The following AMACR variants were observed in gnomAD, a reference collection of about 807,000 sequenced individuals.
AMACR encodes the protein 2-methylacyl-CoA racemase.
Under a neutral mutation model 22.2 loss-of-function variants are expected in AMACR, and 18 were observed. The observed-to-expected ratio is 0.81, with a 90% CI of 0.56 to 1.20. The LOEUF (loss-of-function observed/expected upper bound fraction) is 1.20, where lower values mean the gene tolerates loss of function less well. AMACR is among the 50% of genes most tolerant of loss of function. AMACR has a pLI of 0.00. For missense variants in AMACR, 499 were observed against 490.6 expected, an observed-to-expected ratio of 1.02 and a Z score of -0.16; for synonymous variants, 213 against 191.3, an observed-to-expected ratio of 1.11 and a Z score of -0.94.
intron 1 of AMACR, 150 bp downstream of exon 1, chr5:34,007,622 AC>A (rs1754023503): frequency 1.9e-5 from 22 of 1,159,194 alleles, no homozygotes; most frequent in Non-Finnish European, 2.6e-5. Context: ...CACTAACAAT[AC>A]CCTAGGAGGC....
intron 4 of AMACR, chr5:33,997,162 G>T: frequency 1.3e-6 from 1 of 747,548 alleles, no homozygotes; most frequent in South Asian, 1.4e-5. Context: ...TGTTGTCTTA[G>T]CAATTCTGCT....
At chr5:34,001,160 G>A (rs1753803020) in intron 3 of AMACR, among the ~76,000 whole-genome samples, 1 of 152,166 alleles carries the variant, frequency 6.6e-6, no homozygotes, top group South Asian at 2.1e-4. Flanking sequence ...CCTGACACAG[G>A]GAAACCGCAG....
Position 33,989,506 on chromosome 5 carries a change from AG to A in AMACR, c.740-5del, listed in dbSNP as rs753199004. On this transcript the variant is annotated splice_region_variant and splice_polypyrimidine_tract_variant and intron_variant, in intron 4 of 4. Coordinates refer to ENST00000335606, the MANE Select transcript of AMACR (RefSeq NM_014324.6). ...TCATCAGACTTTAGTCCAAGTCCTG[AG>A]GAAAAATACAATTTCCTAAATTATT... 3.7e-6 allele frequency: 6 copies of A among 1,611,440 alleles called. No homozygotes were observed. In the African/African-American group the frequency reaches 8.0e-5, roughly 22 times the overall value.
At position 33,988,558 on chromosome 5, in the gene AMACR, A is replaced by G. The variant is rs561436258; in HGVS notation, c.*535T>C. On this transcript the variant is annotated 3_prime_UTR_variant, in exon 5 of 5. Coordinates refer to ENST00000335606, the MANE Select transcript of AMACR (RefSeq NM_014324.6). ...AAGGCATTCTGATTCAATACAGGTGAAACTTTTCTTTGCAAATTACAAAGT... is the reference window on the plus strand; with the variant it reads ...AAGGCATTCTGATTCAATACAGGTGGAACTTTTCTTTGCAAATTACAAAGT... 7.3e-7 allele frequency: 1 copy of G among 1,367,468 alleles called. No individual in the cohort carries two copies. Among genetic ancestry groups the G allele is most frequent in the East Asian group, 2.7e-5 (1 of 37,078 alleles). The allele number at this position is 1,367,468 out of a possible 1,614,324, so 84.7% of individuals were successfully genotyped here.
chr5:34,004,077 G>A (rs2112068494), intron 3 of AMACR, among the ~76,000 whole-genome samples: 1 of 152,360 alleles, frequency 6.6e-6, no homozygotes, highest in Non-Finnish European at 1.5e-5. Context: ...ACAAACAGAA[G>A]TGTTATGATA....
chr5:34,003,155 T>G (rs1753869576), intron 3 of AMACR, among the ~76,000 whole-genome samples: 1 of 152,228 alleles, frequency 6.6e-6, no homozygotes, highest in East Asian at 1.9e-4. Flanking sequence ...CCCTTGCTTC[T>G]CTTTTCTGCC....
At chr5:33,996,204 G>A (rs1399003409) in intron 4 of AMACR, among the ~76,000 whole-genome samples, 2 of 152,132 alleles carry the variant, frequency 1.3e-5, no homozygotes, top group African/African-American at 4.8e-5. Context: ...GCTGTCTTAG[G>A]TGGTGTTATT....
In AMACR at chr5:33,986,748, G is replaced by A. The variant is rs1392171204; in HGVS notation, c.*2345C>T. 6.6e-6 allele frequency: 1 copy of A among 152,238 alleles called. No individual in the cohort carries two copies. Among genetic ancestry groups the A allele is most frequent in the Non-Finnish European group, 1.5e-5 (1 of 68,110 alleles). 9.4% of individuals were successfully genotyped at this position (152,238 alleles called of 1,614,324 possible). A position where few individuals can be genotyped will look rare whatever the true frequency, so the allele number is the denominator to read the frequency against. On this transcript the variant is annotated 3_prime_UTR_variant, in exon 5 of 5. Transcript: ENST00000335606. ...TACTGCCAGTGTCTATGTCTCCAAG[G>A]TGGGTGCAGCAACTTTGGCTTCTGG...
Position 33,988,772 on chromosome 5 carries a change from A to G in AMACR, c.*321T>C. The G allele has an allele frequency of 2.4e-6, 3 of 1,232,078 alleles. No homozygotes were observed. Among genetic ancestry groups the G allele is most frequent in the Non-Finnish European group, 3.1e-6 (3 of 981,420 alleles). The allele number at this position is 1,232,078 out of a possible 1,614,324, so 76.3% of individuals were successfully genotyped here. A position where few individuals can be genotyped will look rare whatever the true frequency, so the allele number is the denominator to read the frequency against. On this transcript the variant is annotated 3_prime_UTR_variant, in exon 5 of 5. Transcript: ENST00000335606. ...AATGTATATCGATGTCTTCAAGAAT[A>G]TATCATTCCTTTTTCACTAGAACCC...
rs1486225777 is a variant in AMACR at position 33,986,935 on chromosome 5, C to T, written c.*2158G>A. On this transcript the variant is annotated 3_prime_UTR_variant, in exon 5 of 5. Coordinates refer to ENST00000335606, the MANE Select transcript of AMACR (RefSeq NM_014324.6). ...TAAATTTCCTCTGTTTTAAAGACTT[C>T]GAGTGGGTTATATTTTCCTTGCTGG... 1 of 152,128 alleles carries T rather than the reference C, an allele frequency of 6.6e-6. No homozygotes were observed. The highest frequency in any genetic ancestry group is 1.5e-5 in the Non-Finnish European group (1 of 68,034). 9.4% of individuals were successfully genotyped at this position (152,128 alleles called of 1,614,324 possible). A position where few individuals can be genotyped will look rare whatever the true frequency, so the allele number is the denominator to read the frequency against.
At chr5:34,005,452 G>A (rs917638016) in intron 2 of AMACR, among the ~76,000 whole-genome samples, 4 of 152,120 alleles carry the variant, frequency 2.6e-5, no homozygotes, top group South Asian at 2.1e-4. Flanking sequence ...GCAACCATCC[G>A]TAGTACCCAG....
In AMACR at chr5:33,986,609, T is replaced by C. The variant is rs192722720; in HGVS notation, c.*2484A>G. The C allele has an allele frequency of 4.2e-4, 64 of 152,400 alleles. No homozygotes were observed. Among genetic ancestry groups the C allele is most frequent in the African/African-American group, 1.5e-3 (62 of 41,600 alleles). The allele number at this position is 152,400 out of a possible 1,614,324, so 9.4% of individuals were successfully genotyped here. A position where few individuals can be genotyped will look rare whatever the true frequency, so the allele number is the denominator to read the frequency against. On this transcript the variant is annotated 3_prime_UTR_variant, in exon 5 of 5. Coordinates refer to ENST00000335606, the MANE Select transcript of AMACR (RefSeq NM_014324.6). ...CTACATTTCCAGGGTTCCCTTGTTT[T>C]CTGGCTTCTAGGTAGATTTGGCTAA...
chr5:34,006,336 T>A (rs944265678), intron 1 of AMACR, among the ~76,000 whole-genome samples: 1 of 152,214 alleles, frequency 6.6e-6, no homozygotes, highest in African/African-American at 2.4e-5. Flanking sequence ...GGCGCTAAAG[T>A]GCCTAGCATC....
rs184782882 is a variant in AMACR, at chr5:33,998,603, A to C, written c.739+38T>G. ...AATAGAACCAAAGAACATCCACAGC[A>C]AAAGGGGAACTGGGGGAGACGCGTG... On this transcript the variant is annotated intron_variant, in intron 4 of 4. Coordinates refer to ENST00000335606, the MANE Select transcript of AMACR (RefSeq NM_014324.6). 60 of 1,562,050 alleles carry C rather than the reference A, an allele frequency of 3.8e-5. 1 individual carries two copies. The highest frequency in any genetic ancestry group is 1.2e-4 in the Admixed American group (6 of 51,268).
intron 3 of AMACR, among the ~76,000 whole-genome samples, chr5:34,001,230 A>C (rs1348191928): frequency 6.6e-6 from 1 of 152,224 alleles, no homozygotes; most frequent in African/African-American, 2.4e-5. Flanking sequence ...GAATTAATTT[A>C]AGAGTTTAAC....
Position 33,998,648 on chromosome 5 carries a change from C to T in AMACR, c.732G>A (p.Leu244=), listed in dbSNP as rs752535349. ...CGCGTGAAGTTCACTTACCTTTGAT[C>T]AGCAGCTCGTAGAACTGGGGTTCTA... ...GAIEPQFYEL[L]IKGLGLKSDE... The change falls in exon 4 of 5, where the codon CTG becomes CTA. Residue 244 remains leucine, a synonymous_variant. Transcript: ENST00000335606. The T allele has an allele frequency of 6.2e-7, 1 of 1,607,648 alleles. No homozygotes were observed.
intron 4 of AMACR, among the ~76,000 whole-genome samples, chr5:33,992,481 G>C (rs1209555667): frequency 1.3e-5 from 2 of 152,020 alleles, no homozygotes; most frequent in Non-Finnish European, 2.9e-5. Context: ...GCTGAGGCAG[G>C]AGGATCACTA....
chr5:33,989,029 T>G lies in AMACR; in HGVS notation c.*64A>C. ...TTCCTCCATGTTTCCATGCATACAA[T>G]GTTATGTGTTACTCTACACTGTAAA... is the stretch of plus-strand genomic sequence containing the variant. On this transcript the variant is annotated 3_prime_UTR_variant, in exon 5 of 5. Coordinates refer to ENST00000335606, the MANE Select transcript of AMACR (RefSeq NM_014324.6). 6.2e-7 allele frequency: 1 copy of G among 1,608,914 alleles called. No individual in the cohort carries two copies. The highest frequency in any genetic ancestry group is 8.5e-7 in the Non-Finnish European group (1 of 1,177,750).
intron 3 of AMACR, among the ~76,000 whole-genome samples, chr5:33,999,312 T>A (rs1212536001): frequency 6.6e-6 from 1 of 152,228 alleles, no homozygotes; most frequent in Non-Finnish European, 1.5e-5. Flanking sequence ...AAATTTGGCT[T>A]ATTCTGGCTT....
Sources: gnomAD v4.1 joint callset for allele counts (sites outside exome capture counted in the v4.1 genomes callset) on GRCh38, gnomAD v4.1.1 for gene constraint, MANE v1.5 for transcripts, NCBI Gene and HGNC (gene_info 2026-07-23, HGNC 2026-07-21) for gene names.